The following HDAC4 variants were observed in gnomAD, a reference collection of about 807,000 sequenced individuals.
HDAC4 encodes histone deacetylase 4.
Under a neutral mutation model 135.1 loss-of-function variants are expected in HDAC4, and 16 were observed. The ratio of observed to expected loss-of-function variants is 0.12; its 90% confidence interval spans 0.08 to 0.18. The LOEUF (loss-of-function observed/expected upper bound fraction) is 0.18. HDAC4 is among the 10% of genes least tolerant of loss of function. The pLI, the probability that HDAC4 is intolerant of heterozygous loss-of-function variation, is 1.00. For missense variants in HDAC4, 1,143 were observed against 1,511.8 expected (o/e 0.76, Z 4.05); for synonymous variants, 685 against 653.4 (o/e 1.05, Z -0.74).
At chr2:239,377,652 G>C (rs1695111915) in intron 1 of HDAC4, among the ~76,000 whole-genome samples, 1 of 152,240 alleles carries the variant, frequency 6.6e-6, no homozygotes, top group Admixed American at 6.5e-5. Flanking sequence ...CAGGGCCACA[G>C]TCTCACCACT....
intron 5 of HDAC4, among the ~76,000 whole-genome samples, chr2:239,174,851 A>G (rs1337441703): frequency 6.6e-6 from 1 of 152,264 alleles, no homozygotes; most frequent in Non-Finnish European, 1.5e-5. Flanking sequence ...GAATTTCACA[A>G]GCATAATGTC....
intron 2 of HDAC4, chr2:239,298,058 T>C (rs1216473007): frequency 2.0e-5 from 10 of 507,774 alleles, no homozygotes; most frequent in Non-Finnish European, 3.2e-5. Context: ...ATTGAAGAGA[T>C]ACCTGTGTGT....
chr2:239,160,556 T>C (rs934126193), intron 6 of HDAC4, among the ~76,000 whole-genome samples: 2 of 152,250 alleles, frequency 1.3e-5, no homozygotes, highest in Non-Finnish European at 2.9e-5. Flanking sequence ...GACTCTGAAT[T>C]TCCCATCAGT....
Position 239,348,022 on chromosome 2 carries a change from G to A in HDAC4, c.22+4656C>T, listed in dbSNP as rs541804600. Among the ~76,000 whole-genome samples the A allele has an allele frequency of 9.8e-5, 14 of 142,318 alleles. No homozygotes were observed. The South Asian group carries it at 3.2e-3, about 33-fold the overall frequency. 93.4% of individuals were successfully genotyped at this position (142,318 alleles called of 152,430 possible). On this transcript the variant is annotated intron_variant, in intron 2 of 26. Coordinates refer to ENST00000543185, the MANE Select transcript of HDAC4 (RefSeq NM_001378414.1). The stretch of plus-strand genomic sequence containing the variant: ...GCATCATCCCGGTGACCACAGACAC[G>A]TCCCAGCAAATCCACTGCTTCCTAT...
chr2:239,346,170 TA>T (rs1692649241), intron 2 of HDAC4, among the ~76,000 whole-genome samples: 1 of 146,548 alleles, frequency 6.8e-6, no homozygotes, highest in Admixed American at 6.8e-5. Flanking sequence ...ACACACTGTC[TA>T]AAACACACAC....
At chr2:239,298,091 A>C (rs746585389) in intron 2 of HDAC4, 22 of 755,372 alleles carry the variant, frequency 2.9e-5, no homozygotes, top group Non-Finnish European at 4.2e-5. Flanking sequence ...GGGTTGCTAA[A>C]ATATTTCACA....
chr2:239,073,143 C>T (rs146586093), intron 22 of HDAC4, among the ~76,000 whole-genome samples: 4 of 152,338 alleles, frequency 2.6e-5, no homozygotes, highest in East Asian at 1.9e-4. Flanking sequence ...GCACCTTGCC[C>T]GCCAAGAAAC....
intron 14 of HDAC4, among the ~76,000 whole-genome samples, chr2:239,110,956 G>A (rs1044459478): frequency 3.3e-5 from 5 of 152,212 alleles, no homozygotes; most frequent in African/African-American, 1.2e-4. Flanking sequence ...CCTCCTTCTT[G>A]TGAGGGAAAA....
chr2:239,078,170 G>A (rs1365247993), intron 22 of HDAC4, among the ~76,000 whole-genome samples: 1 of 152,180 alleles, frequency 6.6e-6, no homozygotes, highest in Non-Finnish European at 1.5e-5. Flanking sequence ...CAGCGGCTCA[G>A]ACTTTACTCA....
At chr2:239,247,552 G>A (rs917785167) in intron 2 of HDAC4, among the ~76,000 whole-genome samples, 4 of 152,198 alleles carry the variant, frequency 2.6e-5, no homozygotes, top group Non-Finnish European at 5.9e-5. Flanking sequence ...CATCTGAGCC[G>A]AACAAGCTGC....
rs115662563 is a variant in HDAC4, at chr2:239,373,707, G to A, written c.-219-20789C>T. On this transcript the variant is annotated intron_variant, in intron 1 of 26. Coordinates refer to ENST00000543185, the MANE Select transcript of HDAC4 (RefSeq NM_001378414.1). ...TTGAACTCCCGACCTCAGGTGATCC[G>A]CCTGCCTCAGCTTTGTCAAATGTTA... Among the ~76,000 whole-genome samples, 799 of 152,244 alleles carry A rather than the reference G, an allele frequency of 5.2e-3. 13 individuals are homozygous for A. Among genetic ancestry groups the A allele is most frequent in the African/African-American group, 0.018 (749 of 41,526 alleles).
At chr2:239,162,839 G>A (rs772943292) in intron 6 of HDAC4, among the ~76,000 whole-genome samples, 3 of 152,142 alleles carry the variant, frequency 2.0e-5, no homozygotes, top group Admixed American at 1.3e-4. Context: ...AAGGGGGATC[G>A]CGTCTGAGCT....
At chr2:239,335,508 CAAAAAAAAA>C (rs61007856) in intron 2 of HDAC4, among the ~76,000 whole-genome samples, 1 of 59,378 alleles carries the variant, frequency 1.7e-5, no homozygotes, top group South Asian at 6.4e-4. Flanking sequence ...ATCTGTTCAG[CAAAAAAAAA>C]AAAAAAAAAA....
At chr2:239,117,186 G>A (rs756976223) in intron 12 of HDAC4, among the ~76,000 whole-genome samples, 3 of 152,196 alleles carry the variant, frequency 2.0e-5, no homozygotes, top group Non-Finnish European at 2.9e-5. Context: ...CTGCAGCGTG[G>A]AAGGCCAGAG....
At chr2:239,102,222 G>A (rs1279141040) in intron 16 of HDAC4, among the ~76,000 whole-genome samples, 14 of 152,332 alleles carry the variant, frequency 9.2e-5, no homozygotes, top group Admixed American at 8.5e-4. Flanking sequence ...AGCTGGCTGG[G>A]AGTTCACCTG....
At chr2:239,297,027 TA>T (rs71043186) in intron 2 of HDAC4, among the ~76,000 whole-genome samples, 6,822 of 118,144 alleles carry the variant, frequency 0.058, 206 homozygotes, top group African/African-American at 0.1. Flanking sequence ...TGTTTTCATG[TA>T]AAAAAAAAAA....
intron 16 of HDAC4, among the ~76,000 whole-genome samples, chr2:239,098,752 A>G (rs950846039): frequency 4.6e-5 from 7 of 152,258 alleles, no homozygotes; most frequent in Non-Finnish European, 8.8e-5. Context: ...CATTAGGGTT[A>G]TGTTCACAAA....
At chr2:239,173,898 T>C (rs1021874519) in intron 5 of HDAC4, among the ~76,000 whole-genome samples, 4 of 152,330 alleles carry the variant, frequency 2.6e-5, no homozygotes, top group Non-Finnish European at 4.4e-5. Flanking sequence ...AGCCATCAAA[T>C]GGCTTGACAT....
At chr2:239,292,080 A>G (rs999532999) in intron 2 of HDAC4, among the ~76,000 whole-genome samples, 3 of 152,078 alleles carry the variant, frequency 2.0e-5, no homozygotes, top group African/African-American at 7.2e-5. Context: ...GGCTGCGCGC[A>G]CAGCCCAGCT....
Sources: allele counts gnomAD v4.1 joint callset (sites outside exome capture counted in the v4.1 genomes callset), GRCh38; gene constraint gnomAD v4.1.1; transcripts MANE v1.5; gene names NCBI Gene and HGNC (gene_info 2026-07-23, HGNC 2026-07-21).